Variants in CLTCL1 observed in about 807,000 individuals in gnomAD.
CLTCL1 encodes clathrin heavy chain like 1.
A neutral mutation model predicts 190.0 loss-of-function variants in CLTCL1; 159 were observed. That is an observed-to-expected ratio of 0.84 (90% CI 0.74 to 0.95). The LOEUF is 0.95. Among genes scored for constraint, CLTCL1 ranks in the 40% least tolerant of loss-of-function variants. CLTCL1 has a pLI of 0.00. For synonymous variants in CLTCL1, 752 were observed against 769.6 expected, an observed-to-expected ratio of 0.98 and a Z score of 0.38; for missense variants, 1,878 against 2,033.4, an observed-to-expected ratio of 0.92 and a Z score of 1.47.
Position 19,229,883 on chromosome 22 carries a change from G to T in CLTCL1, c.1737C>A (p.Leu579=). The change falls in exon 11 of 33, where the codon CTC becomes CTA. Residue 579 remains leucine (L), a synonymous_variant. Coordinates refer to ENST00000427926, the MANE Select transcript of CLTCL1 (RefSeq NM_007098.4). ...TCATCTCCAACAGCCATGTCTGCAGGAGTCCCTCAGCTGGGCGATTATTCT... is the reference window on the plus strand; with the variant it reads ...TCATCTCCAACAGCCATGTCTGCAGTAGTCCCTCAGCTGGGCGATTATTCT... The part of the protein sequence containing the change: ...ALKNNRPAEG[L]LQTWLLEMNL... The T allele has an allele frequency of 6.2e-7, 1 of 1,611,914 alleles. No homozygotes were observed. Among genetic ancestry groups the T allele is most frequent in the Non-Finnish European group, 8.5e-7 (1 of 1,179,170 alleles).
At chr22:19,286,691 T>C (rs2146390881) in intron 1 of CLTCL1, among the ~76,000 whole-genome samples, 1 of 152,312 alleles carries the variant, frequency 6.6e-6, no homozygotes. Context: ...TTCCCCCCTC[T>C]TTCCTTAATG....
intron 17 of CLTCL1, among the ~76,000 whole-genome samples, chr22:19,220,977 T>C (rs712945): frequency 0.072 from 10,930 of 152,092 alleles, 480 homozygotes; most frequent in Middle Eastern, 0.17. Flanking sequence ...AGTACAAGGG[T>C]ACTCGGGACA....
At chr22:19,219,839 G>C (rs2085510648) in intron 18 of CLTCL1, 46 bp downstream of exon 18, 1 of 1,607,692 alleles carries the variant, frequency 6.2e-7, no homozygotes, top group African/African-American at 1.3e-5. Context: ...ATGATGATCG[G>C]ACGGCAAAAT....
chr22:19,239,104 C>T (rs571262940), intron 5 of CLTCL1, among the ~76,000 whole-genome samples, 171 bp downstream of exon 5: 2 of 152,280 alleles, frequency 1.3e-5, no homozygotes, highest in Admixed American at 1.3e-4. Context: ...TTTCTACGAA[C>T]AGGGCTTTCC....
At chr22:19,212,192 C>T (rs1555947156) in intron 19 of CLTCL1, among the ~76,000 whole-genome samples, 2 of 152,102 alleles carry the variant, frequency 1.3e-5, no homozygotes. Context: ...TTTTCTTGTA[C>T]ATATAGACAA....
At chr22:19,187,324 C>G (rs1190128706) in intron 29 of CLTCL1, among the ~76,000 whole-genome samples, 3 of 151,118 alleles carry the variant, frequency 2.0e-5, no homozygotes, top group African/African-American at 7.3e-5. Context: ...CCGTAAAACT[C>G]TACAAGTCTT....
intron 3 of CLTCL1, among the ~76,000 whole-genome samples, chr22:19,250,183 G>A (rs1212218642): frequency 6.6e-6 from 1 of 152,136 alleles, no homozygotes. Context: ...GAATCTGGAA[G>A]GTGGAGGTTG....
intron 2 of CLTCL1, among the ~76,000 whole-genome samples, chr22:19,256,353 T>TC (rs2086752334): frequency 9.4e-6 from 1 of 105,848 alleles, no homozygotes; most frequent in Admixed American, 1.1e-4. Flanking sequence ...TTTTCTTTTA[T>TC]CTTTTTTTTT....
At chr22:19,202,740 T>C (rs1188937734) in intron 22 of CLTCL1, among the ~76,000 whole-genome samples, 1 of 152,204 alleles carries the variant, frequency 6.6e-6, no homozygotes, top group Admixed American at 6.5e-5. Flanking sequence ...GTTAACTCTT[T>C]CATATCTCCT....
At chr22:19,243,016 A>G in intron 3 of CLTCL1, 80 bp from the exon 4 acceptor site, 2 of 1,368,468 alleles carry the variant, frequency 1.5e-6, no homozygotes, top group Middle Eastern at 4.6e-4. Context: ...TATTTCTAAA[A>G]TGAAAGTCTC....
chr22:19,217,853 G>GAAAAAAAAA (rs535821018), intron 18 of CLTCL1, among the ~76,000 whole-genome samples: 1 of 81,388 alleles, frequency 1.2e-5, no homozygotes, highest in African/African-American at 3.9e-5. Flanking sequence ...CTCAAAAAGA[G>GAAAAAAAAA]AAAAAAAAAA....
rs527732007 is a variant in CLTCL1 at position 19,208,175 on chromosome 22, G to A, written c.3579C>T (p.Pro1193=). ...CTACCTGCTGGATGTGGGCATTGTTGGGTCCATTAATAAAATCTTCTAGCT... is the reference window on the plus strand; with the variant it reads ...CTACCTGCTGGATGTGGGCATTGTTAGGTCCATTAATAAAATCTTCTAGCT... ...VSELEDFING[P]NNAHIQQVGD... Residue 1193 remains proline, a synonymous_variant, in exon 22 of 33, where the codon CCC becomes CCT. Transcript: ENST00000427926. 1.9e-6 allele frequency: 3 copies of A among 1,613,786 alleles called. No homozygotes were observed. The highest frequency in any genetic ancestry group is 1.1e-5 in the South Asian group (1 of 91,072).
At chr22:19,234,030 T>C (rs1427728882) in intron 7 of CLTCL1, among the ~76,000 whole-genome samples, 2 of 152,204 alleles carry the variant, frequency 1.3e-5, no homozygotes, top group Non-Finnish European at 2.9e-5. Flanking sequence ...TGAAAGTCTT[T>C]ATCTACTCAG....
chr22:19,275,409 C>T (rs2087466896), intron 2 of CLTCL1, among the ~76,000 whole-genome samples: 3 of 151,356 alleles, frequency 2.0e-5, no homozygotes, highest in African/African-American at 7.3e-5. Context: ...CTCGGTGTGT[C>T]TGGCGCTGTG....
At chr22:19,288,281 T>C (rs1031122121) in intron 1 of CLTCL1, among the ~76,000 whole-genome samples, 1 of 152,206 alleles carries the variant, frequency 6.6e-6, no homozygotes, top group African/African-American at 2.4e-5. Flanking sequence ...TTAGTTATCA[T>C]TGTTAATCTC....
At chr22:19,181,744 G>C (rs2084146956) in intron 30 of CLTCL1, 1 of 152,318 alleles carries the variant, frequency 6.6e-6, no homozygotes, top group African/African-American at 2.4e-5. Context: ...CTGACAATCA[G>C]CTCACACCCC....
Position 19,221,581 on chromosome 22 carries a change from G to A in CLTCL1, c.2592C>T (p.Ser864=). 1 of 1,597,132 alleles carries A rather than the reference G, an allele frequency of 6.3e-7. No individual in the cohort carries two copies. Among genetic ancestry groups the A allele is most frequent in the South Asian group, 1.1e-5 (1 of 88,124 alleles). ...GCTCCTCACAGCCTTCCTGAATCTG[G>A]GACTCCAGCCAGGGAAGCAGCAGCT... ...RLKLLLPWLE[S]QIQEGCEEPA... The change falls in exon 17 of 33, where the codon TCC becomes TCT. Residue 864 remains serine, a synonymous_variant. Transcript: ENST00000427926.
chr22:19,180,139 G>A, intron 32 of CLTCL1, 60 bp downstream of exon 32: 3 of 1,453,106 alleles, frequency 2.1e-6, no homozygotes, highest in Non-Finnish European at 2.9e-6. Context: ...AGGAGCGTGG[G>A]GTCAGCCAGA....
chr22:19,233,718 A>C, intron 7 of CLTCL1, 96 bp from the exon 8 acceptor site: 1 of 1,083,202 alleles, frequency 9.2e-7, no homozygotes, highest in South Asian at 1.5e-5. Flanking sequence ...CTGCCAGTGG[A>C]AATTCCACAC....
Sources: allele counts gnomAD v4.1 joint callset (sites outside exome capture counted in the v4.1 genomes callset), GRCh38; gene constraint gnomAD v4.1.1; transcripts MANE v1.5; gene names NCBI Gene and HGNC (gene_info 2026-07-23, HGNC 2026-07-21).